The following ZNF704 variants were observed in gnomAD, a reference collection of about 807,000 sequenced individuals.
ZNF704 encodes the protein zinc finger protein 704, also known as glucocorticoid induced gene 1.
In ZNF704, 10 loss-of-function variants were observed where a neutral mutation model predicts 44.7. The observed-to-expected ratio is 0.22, with a 90% CI of 0.14 to 0.38. The LOEUF is 0.38. Ranked by LOEUF, ZNF704 falls within the 10% of genes least tolerant of loss-of-function variation. The pLI is 1.00. For missense variants in ZNF704, 390 were observed against 545.5 expected (o/e 0.71, Z 2.84); for synonymous variants, 211 against 207.6 (o/e 1.02, Z -0.14).
chr8:80,873,804 A>G (rs1194878385), intron 1 of ZNF704: 9 of 150,342 alleles, frequency 6.0e-5, no homozygotes, highest in Admixed American at 5.3e-4. Flanking sequence ...ACCGGCGACG[A>G]GGCGGCGGCG....
intron 2 of ZNF704, among the ~76,000 whole-genome samples, chr8:80,708,991 A>C (rs1322428679): frequency 1.3e-5 from 2 of 152,236 alleles, no homozygotes; most frequent in Non-Finnish European, 2.9e-5. Flanking sequence ...AAAGTAAGCC[A>C]ACTAAAAATT....
At chr8:80,802,527 G>A (rs764322652) in intron 2 of ZNF704, among the ~76,000 whole-genome samples, 138 of 152,198 alleles carry the variant, frequency 9.1e-4, no homozygotes, top group Non-Finnish European at 1.4e-3. Context: ...ATGCAAGGTC[G>A]GTTCGACATA....
intron 4 of ZNF704, among the ~76,000 whole-genome samples, chr8:80,674,482 T>C (rs996009140): frequency 1.3e-5 from 2 of 152,126 alleles, no homozygotes; most frequent in Non-Finnish European, 2.9e-5. Context: ...TAAATCATAG[T>C]GGAGGTCAAA....
At chr8:80,711,909 AAAC>A in intron 2 of ZNF704, among the ~76,000 whole-genome samples, 1 of 152,356 alleles carries the variant, frequency 6.6e-6, no homozygotes, top group South Asian at 2.1e-4. Context: ...GACAGACCAC[AAAC>A]AACACCCAAA....
chr8:80,815,856 T>C (rs1380530861), intron 2 of ZNF704, among the ~76,000 whole-genome samples: 1 of 152,226 alleles, frequency 6.6e-6, no homozygotes, highest in African/African-American at 2.4e-5. Context: ...AGCACAGATG[T>C]CTCTCACTTT....
At chr8:80,863,147 C>T (rs1216766742) in intron 1 of ZNF704, among the ~76,000 whole-genome samples, 1 of 152,052 alleles carries the variant, frequency 6.6e-6, no homozygotes, top group African/African-American at 2.4e-5. Context: ...TCTAAGATCC[C>T]CTTTCTAATA....
chr8:80,770,227 A>G (rs893255013), intron 2 of ZNF704, among the ~76,000 whole-genome samples: 1 of 152,190 alleles, frequency 6.6e-6, no homozygotes, highest in Non-Finnish European at 1.5e-5. Flanking sequence ...ACTGTCCACT[A>G]TTAAAACCAG....
At chr8:80,769,988 A>G (rs753937078) in intron 2 of ZNF704, among the ~76,000 whole-genome samples, 39 of 152,210 alleles carry the variant, frequency 2.6e-4, no homozygotes, top group Admixed American at 1.6e-3. Flanking sequence ...GGTGAAAGGC[A>G]CGCCTCACAT....
At chr8:80,727,251 T>C (rs1029848737) in intron 2 of ZNF704, among the ~76,000 whole-genome samples, 2 of 152,146 alleles carry the variant, frequency 1.3e-5, no homozygotes, top group South Asian at 2.1e-4. Context: ...GCTATAGCCA[T>C]GTGGCTCAGG....
intron 2 of ZNF704, among the ~76,000 whole-genome samples, chr8:80,743,125 T>C (rs1159599920): frequency 7.1e-6 from 1 of 141,530 alleles, no homozygotes; most frequent in African/African-American, 2.7e-5. Flanking sequence ...TGGCAATGGC[T>C]ACCCACTTTG....
At chr8:80,686,927 T>C (rs1244426915) in intron 4 of ZNF704, among the ~76,000 whole-genome samples, 1 of 152,284 alleles carries the variant, frequency 6.6e-6, no homozygotes, top group East Asian at 1.9e-4. Context: ...GAAGCAAGCC[T>C]GAGGTCCAAT....
At chr8:80,741,937 A>C (rs533315357) in intron 2 of ZNF704, among the ~76,000 whole-genome samples, 116 of 152,224 alleles carry the variant, frequency 7.6e-4, no homozygotes, top group Non-Finnish European at 1.5e-3. Context: ...CTCGGGCATC[A>C]GAATTAGGAA....
chr8:80,727,433 GTTT>G (rs886991778), intron 2 of ZNF704, among the ~76,000 whole-genome samples: 1 of 142,322 alleles, frequency 7.0e-6, no homozygotes, highest in African/African-American at 2.6e-5. Context: ...TTTTGTTTTT[GTTT>G]TTTTTTTTCG....
chr8:80,841,008 A>T (rs1434063152), intron 1 of ZNF704, among the ~76,000 whole-genome samples: 1 of 152,160 alleles, frequency 6.6e-6, no homozygotes, highest in African/African-American at 2.4e-5. Context: ...GGCTGGGATG[A>T]TCAACAAGAC....
rs199610496 is a variant in ZNF704 at position 80,642,272 on chromosome 8, CTTTGT to C, written c.1127+758_1127+762del. The stretch of plus-strand genomic sequence containing the variant: ...TCTCAGTATAAAAATTTTTTTCTTT[CTTTGT>C]TAAGTTGAAAACTTTCACCTTTTCA... On this transcript the variant is annotated intron_variant, in intron 8 of 8. Transcript: ENST00000327835. 2.8e-4 allele frequency among the ~76,000 whole-genome samples: 42 copies of C among 152,064 alleles called. 1 individual carries two copies. In the East Asian group the frequency reaches 5.8e-3, roughly 21 times the overall value.
intron 7 of ZNF704, among the ~76,000 whole-genome samples, chr8:80,652,184 T>C (rs1001388588): frequency 5.9e-5 from 9 of 152,052 alleles, no homozygotes; most frequent in Non-Finnish European, 7.4e-5. Context: ...AGAGGGAAAT[T>C]TATAGCACTA....
At chr8:80,643,705 C>T (rs942675474) in intron 7 of ZNF704, among the ~76,000 whole-genome samples, 6 of 152,002 alleles carry the variant, frequency 3.9e-5, no homozygotes, top group African/African-American at 1.4e-4. Context: ...TTTCAAGTGG[C>T]TCATAATACC....
intron 7 of ZNF704, among the ~76,000 whole-genome samples, chr8:80,653,392 G>T (rs1363353027): frequency 6.6e-6 from 1 of 152,190 alleles, no homozygotes; most frequent in Non-Finnish European, 1.5e-5. Flanking sequence ...CCTGTTTGCA[G>T]ATGACATGAT....
At chr8:80,730,538 TAAAAAA>T (rs148942015) in intron 2 of ZNF704, among the ~76,000 whole-genome samples, 2,531 of 63,908 alleles carry the variant, frequency 0.04, 113 homozygotes, top group African/African-American at 0.12. Flanking sequence ...GACTACATCT[TAAAAAA>T]AAAAAAAAAA....
Sources: allele counts gnomAD v4.1 joint callset (sites outside exome capture counted in the v4.1 genomes callset), GRCh38; gene constraint gnomAD v4.1.1; transcripts MANE v1.5; gene names NCBI Gene and HGNC (gene_info 2026-07-23, HGNC 2026-07-21).